Variants in PCDH15 observed in about 807,000 individuals in gnomAD.
PCDH15 encodes protocadherin related 15.
In PCDH15, 129 loss-of-function variants were observed where a neutral mutation model predicts 178.5. The ratio of observed to expected loss-of-function variants is 0.72; its 90% confidence interval spans 0.63 to 0.84. The LOEUF is 0.84. Ranked by LOEUF, PCDH15 falls within the 40% of genes least tolerant of loss-of-function variation. The pLI is 0.00. For synonymous variants in PCDH15, 800 were observed against 732.0 expected (o/e 1.09, Z -1.50); for missense variants, 2,230 against 2,099.9 (o/e 1.06, Z -1.21).
At chr10:54,220,600 C>A (rs1036092628) in intron 9 of PCDH15, among the ~76,000 whole-genome samples, 5 of 151,976 alleles carry the variant, frequency 3.3e-5, no homozygotes, top group Non-Finnish European at 5.9e-5. Flanking sequence ...CCGAGACGGG[C>A]GGATCACGAG....
At chr10:54,319,715 A>ATTTTT (rs200357332) in intron 7 of PCDH15, among the ~76,000 whole-genome samples, 1 of 149,458 alleles carries the variant, frequency 6.7e-6, no homozygotes, top group African/African-American at 2.5e-5. Context: ...ACAGACCTGT[A>ATTTTT]TTTTTTTTTT....
chr10:54,640,166 C>T (rs2093957631), intron 2 of PCDH15, among the ~76,000 whole-genome samples: 1 of 152,022 alleles, frequency 6.6e-6, no homozygotes, highest in African/African-American at 2.4e-5. Context: ...GTTAATGTTG[C>T]TTCCATCTGA....
At chr10:54,499,968 C>T (rs2080504555) in intron 3 of PCDH15, among the ~76,000 whole-genome samples, 1 of 152,160 alleles carries the variant, frequency 6.6e-6, no homozygotes, top group African/African-American at 2.4e-5. Flanking sequence ...CAACATAAAT[C>T]TTTCTACCAA....
intron 2 of PCDH15, chr10:54,575,213 G>A (rs1185659818): frequency 6.7e-6 from 1 of 150,308 alleles, no homozygotes; most frequent in African/African-American, 2.4e-5. Flanking sequence ...TGACGAGTTA[G>A]TGGGTGCAGT....
chr10:55,330,310 T>TATTA (rs1243988073), intron 2 of PCDH15, among the ~76,000 whole-genome samples: 1 of 151,778 alleles, frequency 6.6e-6, no homozygotes, highest in African/African-American at 2.4e-5. Flanking sequence ...CTTTTGACAG[T>TATTA]ATTATAAAAG....
intron 3 of PCDH15, among the ~76,000 whole-genome samples, chr10:54,393,016 TA>T (rs1322417518): frequency 2.0e-5 from 3 of 152,194 alleles, no homozygotes; most frequent in African/African-American, 7.2e-5. Context: ...ATTAAAATTT[TA>T]AAGTTTTGAT....
At chr10:54,114,288 CAG>C (rs1357966421) in intron 15 of PCDH15, among the ~76,000 whole-genome samples, 2 of 152,100 alleles carry the variant, frequency 1.3e-5, no homozygotes, top group Non-Finnish European at 2.9e-5. Context: ...GTCCTCATTA[CAG>C]AGTTAGTAAA....
intron 2 of PCDH15, among the ~76,000 whole-genome samples, chr10:55,110,089 T>G (rs1406659280): frequency 1.3e-5 from 2 of 151,830 alleles, no homozygotes; most frequent in African/African-American, 4.8e-5. Flanking sequence ...ATTAATATTC[T>G]AAATAACATT....
chr10:53,813,683 A>G (rs1016222417), intron 35 of PCDH15, among the ~76,000 whole-genome samples: 2 of 152,224 alleles, frequency 1.3e-5, no homozygotes, highest in African/African-American at 4.8e-5. Context: ...GAAACAATGC[A>G]AAAGTCCATG....
At chr10:54,187,438 G>T (rs1411889167) in intron 11 of PCDH15, among the ~76,000 whole-genome samples, 1 of 151,896 alleles carries the variant, frequency 6.6e-6, no homozygotes, top group African/African-American at 2.4e-5. Flanking sequence ...GTCACAAAGA[G>T]CACTTACTTT....
intron 2 of PCDH15, among the ~76,000 whole-genome samples, chr10:55,581,915 C>T (rs540849562): frequency 3.1e-4 from 47 of 152,272 alleles, no homozygotes; most frequent in African/African-American, 8.2e-4. Context: ...GTGGCACAAT[C>T]TCGGCTCACT....
intron 18 of PCDH15, among the ~76,000 whole-genome samples, chr10:54,043,945 G>A (rs1468968253): frequency 1.3e-5 from 2 of 152,122 alleles, no homozygotes; most frequent in Non-Finnish European, 2.9e-5. Flanking sequence ...GATGATAGAT[G>A]TCCTCTGTAC....
intron 2 of PCDH15, among the ~76,000 whole-genome samples, chr10:55,494,079 A>G (rs1840480904): frequency 6.6e-6 from 1 of 151,744 alleles, no homozygotes; most frequent in African/African-American, 2.4e-5. Context: ...ACATGTTGAG[A>G]TGAAAGTATA....
chr10:54,236,372 T>A (rs1311433407), intron 9 of PCDH15, among the ~76,000 whole-genome samples: 1 of 150,262 alleles, frequency 6.7e-6, no homozygotes, highest in Non-Finnish European at 1.5e-5. Context: ...CTAATCGTGC[T>A]CTCTCACCTT....
intron 1 of PCDH15, among the ~76,000 whole-genome samples, chr10:55,264,308 C>A (rs971908522): frequency 1.3e-5 from 2 of 152,132 alleles, no homozygotes; most frequent in African/African-American, 4.8e-5. Context: ...AAGACCAATT[C>A]TTGCCGATTA....
At chr10:53,977,918 A>G (rs570456138) in intron 21 of PCDH15, among the ~76,000 whole-genome samples, 13 of 152,324 alleles carry the variant, frequency 8.5e-5, no homozygotes, top group African/African-American at 1.9e-4. Context: ...CTTTCACTCC[A>G]TATCATATCC....
rs1432296121 is a variant in PCDH15, at chr10:54,066,877, A to G, written c.2100T>C (p.Thr700=). The change falls in exon 18 of 38, where the codon ACT becomes ACC. Residue 700 remains threonine, a synonymous_variant. Transcript: ENST00000644397. ...CTGTCACCACTATGTTTACTGTGGC[A>G]GTTGAGGTCTTAAAGAAAAACACAA... The part of the protein sequence containing the change: ...ASDGRPDGTS[T]ATVNIVVTDV... 1 of 1,613,204 alleles carries G rather than the reference A, an allele frequency of 6.2e-7. No homozygotes were observed. Among genetic ancestry groups the G allele is most frequent in the Non-Finnish European group, 8.5e-7 (1 of 1,179,402 alleles).
intron 2 of PCDH15, among the ~76,000 whole-genome samples, chr10:55,109,893 A>G (rs576875379): frequency 3.2e-4 from 48 of 151,914 alleles, no homozygotes; most frequent in Non-Finnish European, 5.7e-4. Context: ...GAATGTGGAA[A>G]TTTCCCCAAA....
At chr10:54,177,443 G>A (rs543601618) in intron 13 of PCDH15, among the ~76,000 whole-genome samples, 8 of 152,124 alleles carry the variant, frequency 5.3e-5, no homozygotes, top group Admixed American at 3.9e-4. Context: ...AACAATGTGC[G>A]AATGTAAGTT....
Sources: allele counts gnomAD v4.1 joint callset (sites outside exome capture counted in the v4.1 genomes callset), GRCh38; gene constraint gnomAD v4.1.1; transcripts MANE v1.5; gene names NCBI Gene and HGNC (gene_info 2026-07-23, HGNC 2026-07-21).